CSMD2: variants seen among roughly 807,000 people sequenced by gnomAD.
CSMD2 encodes the protein CUB and Sushi multiple domains 2.
Under a neutral mutation model 398.5 loss-of-function variants are expected in CSMD2, and 130 were observed. That is an observed-to-expected ratio of 0.33 (90% CI 0.28 to 0.38). The LOEUF (loss-of-function observed/expected upper bound fraction) is 0.38, where lower values mean the gene tolerates loss of function less well. Among genes scored for constraint, CSMD2 ranks in the 10% least tolerant of loss-of-function variants. The probability of loss-of-function intolerance (pLI) is 1.00; values close to 1 mark genes in which losing one functional copy is unlikely to be tolerated. For missense variants in CSMD2, 3,829 were observed against 4,764.9 expected (o/e 0.80, Z 5.78); for synonymous variants, 1,828 against 1,908.5 (o/e 0.96, Z 1.10).
At chr1:34,107,179 C>T (rs765303885) in intron 1 of CSMD2, among the ~76,000 whole-genome samples, 4 of 152,164 alleles carry the variant, frequency 2.6e-5, no homozygotes, top group Non-Finnish European at 4.4e-5. Context: ...TTCTCCCCAG[C>T]TGAGAAGATG....
chr1:34,002,901 G>T (rs1646944071), intron 3 of CSMD2, among the ~76,000 whole-genome samples: 1 of 152,156 alleles, frequency 6.6e-6, no homozygotes, highest in Non-Finnish European at 1.5e-5. Flanking sequence ...ATGGGTAATG[G>T]GCCCAAGTTT....
chr1:34,098,258 T>A, intron 1 of CSMD2, among the ~76,000 whole-genome samples: 1 of 118,024 alleles, frequency 8.5e-6, no homozygotes, highest in Non-Finnish European at 1.7e-5. Flanking sequence ...TTCTGGGGAC[T>A]GTTGTGGGGT....
rs1379680648 is a variant in CSMD2, at chr1:33,726,532, T to C, written c.2507+15A>G. The C allele has an allele frequency of 1.2e-6, 2 of 1,602,920 alleles. No individual in the cohort carries two copies. The highest frequency in any genetic ancestry group is 1.7e-5 in the Admixed American group (1 of 59,384). ...TCCCCCTTGCCCTCTCCCCCAAGGC[T>C]GTGGTCACAAGCACCTGTCGAAGGT... On this transcript the variant is annotated intron_variant, in intron 16 of 70. Coordinates refer to ENST00000373381, the MANE Select transcript of CSMD2 (RefSeq NM_001281956.2).
chr1:33,684,084 G>A (rs1226618334), intron 25 of CSMD2, among the ~76,000 whole-genome samples: 1 of 152,164 alleles, frequency 6.6e-6, no homozygotes, highest in African/African-American at 2.4e-5. Context: ...GACCACTGTG[G>A]GGAGTTGCTG....
At chr1:33,874,808 C>T (rs935594684) in intron 5 of CSMD2, among the ~76,000 whole-genome samples, 7 of 152,218 alleles carry the variant, frequency 4.6e-5, no homozygotes, top group Non-Finnish European at 8.8e-5. Flanking sequence ...TTCCTCGATA[C>T]CCATGTTACA....
At chr1:33,546,249 A>G (rs763684453) in intron 56 of CSMD2, 30 bp from the exon 57 acceptor site, 2 of 1,588,614 alleles carry the variant, frequency 1.3e-6, no homozygotes, top group African/African-American at 1.3e-5. Flanking sequence ...AAATCCCATT[A>G]TTTTTCAGGG....
In CSMD2 at chr1:33,657,281, C is replaced by T. The variant is rs551558294; in HGVS notation, c.4447+665G>A. 5.9e-5 allele frequency among the ~76,000 whole-genome samples: 9 copies of T among 152,260 alleles called. No homozygotes were observed. The South Asian group carries it at 1.0e-3, about 18-fold the overall frequency. ...AGGAGTTCCAGACCAGCCTGAGCAACATAGTGAGACTCCATCTCAACAACA... is the reference window on the plus strand; with the variant it reads ...AGGAGTTCCAGACCAGCCTGAGCAATATAGTGAGACTCCATCTCAACAACA... On this transcript the variant is annotated intron_variant, in intron 27 of 70. Coordinates refer to ENST00000373381, the MANE Select transcript of CSMD2 (RefSeq NM_001281956.2).
intron 4 of CSMD2, among the ~76,000 whole-genome samples, chr1:33,928,652 G>A (rs141307077): frequency 7.2e-5 from 11 of 152,328 alleles, no homozygotes; most frequent in Middle Eastern, 3.4e-3. Context: ...AGCCCATATC[G>A]TGAAACGTTC....
intron 64 of CSMD2, among the ~76,000 whole-genome samples, chr1:33,532,051 A>C (rs985542905): frequency 3.3e-5 from 5 of 152,258 alleles, no homozygotes; most frequent in African/African-American, 1.2e-4. Flanking sequence ...GAAATTTCCA[A>C]GTGATACCAT....
chr1:34,111,183 T>C (rs1661045832), intron 1 of CSMD2, among the ~76,000 whole-genome samples: 3 of 152,194 alleles, frequency 2.0e-5, no homozygotes, highest in South Asian at 2.1e-4. Flanking sequence ...TTAATATTGG[T>C]TGAATGAATG....
chr1:33,915,159 A>C (rs192120050), intron 5 of CSMD2, among the ~76,000 whole-genome samples: 1 of 152,272 alleles, frequency 6.6e-6, no homozygotes, highest in Non-Finnish European at 1.5e-5. Flanking sequence ...GGGGGTGCCC[A>C]GTTGTCCAAA....
At chr1:33,923,998 C>A (rs565974586) in intron 4 of CSMD2, among the ~76,000 whole-genome samples, 1 of 152,198 alleles carries the variant, frequency 6.6e-6, no homozygotes, top group African/African-American at 2.4e-5. Context: ...TCTCTTCATG[C>A]CCTACATCCT....
intron 1 of CSMD2, among the ~76,000 whole-genome samples, chr1:34,143,606 C>T (rs1283478192): frequency 6.6e-6 from 1 of 152,204 alleles, no homozygotes; most frequent in Non-Finnish European, 1.5e-5. Flanking sequence ...TGCATGTCAT[C>T]AAACTCTATA....
chr1:33,824,038 A>G (rs1658498695), intron 7 of CSMD2, among the ~76,000 whole-genome samples: 1 of 152,092 alleles, frequency 6.6e-6, no homozygotes, highest in Non-Finnish European at 1.5e-5. Context: ...TCTTGGGAGG[A>G]AGGCAGGGTA....
intron 12 of CSMD2, among the ~76,000 whole-genome samples, chr1:33,774,687 C>A (rs375816117): frequency 6.6e-6 from 1 of 152,270 alleles, no homozygotes; most frequent in East Asian, 1.9e-4. Flanking sequence ...GAGATATGCA[C>A]GTGGGGTACA....
chr1:33,877,087 TC>T (rs1327354056), intron 5 of CSMD2, among the ~76,000 whole-genome samples: 2 of 152,190 alleles, frequency 1.3e-5, no homozygotes, highest in African/African-American at 4.8e-5. Flanking sequence ...GCACAAGCCC[TC>T]TTTTGGCAAG....
chr1:34,049,868 G>C (rs1652978861), intron 2 of CSMD2, among the ~76,000 whole-genome samples: 1 of 152,162 alleles, frequency 6.6e-6, no homozygotes, highest in Non-Finnish European at 1.5e-5. Flanking sequence ...GGATCTTCGG[G>C]AGGTAGTTAG....
chr1:33,931,625 C>A (rs766046744), intron 4 of CSMD2, among the ~76,000 whole-genome samples: 19 of 152,292 alleles, frequency 1.2e-4, no homozygotes, highest in Non-Finnish European at 1.8e-4. Flanking sequence ...ATTTGACATC[C>A]TCAGCTGGCT....
intron 13 of CSMD2, among the ~76,000 whole-genome samples, chr1:33,757,214 G>A (rs1382954566): frequency 6.6e-6 from 1 of 151,962 alleles, no homozygotes; most frequent in Non-Finnish European, 1.5e-5. Context: ...GCTAAATGAC[G>A]AGTTAATGGG....
Sources: allele counts gnomAD v4.1 joint callset (sites outside exome capture counted in the v4.1 genomes callset), GRCh38; gene constraint gnomAD v4.1.1; transcripts MANE v1.5; gene names NCBI Gene and HGNC (gene_info 2026-07-23, HGNC 2026-07-21).